GAB4: variants seen among roughly 807,000 people sequenced by gnomAD.
The protein encoded by GAB4 is GRB2 associated binding protein family member 4, also known as GRB2-associated-binding protein 4.
In GAB4, 26 loss-of-function variants were observed where a neutral mutation model predicts 51.3. The observed-to-expected ratio is 0.51, with a 90% CI of 0.37 to 0.70. The LOEUF (loss-of-function observed/expected upper bound fraction) is 0.70, where lower values mean the gene tolerates loss of function less well. GAB4 is among the 30% of genes least tolerant of loss of function. The pLI, the probability that GAB4 is intolerant of heterozygous loss-of-function variation, is 0.00. For missense variants in GAB4, 759 were observed against 734.6 expected (o/e 1.03, Z -0.38); for synonymous variants, 329 against 291.2 (o/e 1.13, Z -1.32).
chr22:16,963,413 G>T (rs2060645011), intron 9 of GAB4, among the ~76,000 whole-genome samples: 1 of 152,190 alleles, frequency 6.6e-6, no homozygotes, highest in Admixed American at 6.5e-5. Context: ...CCTCACAGAA[G>T]AGTTTGGCCT....
chr22:16,988,091 G>A lies in GAB4; in HGVS notation c.555C>T (p.His185=). The change falls in exon 3 of 10, where the codon CAC becomes CAT. Residue 185 remains histidine, a synonymous_variant. Transcript: ENST00000400588. ...ATGTGGGTTCTTGTTCTTGGGGGAG[G>A]TGCTGATGGGAGCAGCTGGGCTCAG... The part of the protein sequence containing the change: ...SPAEPSCSHQ[H]LPQEQEPTSE... The A allele has an allele frequency of 6.2e-7, 1 of 1,610,262 alleles. No homozygotes were observed. Among genetic ancestry groups the A allele is most frequent in the African/African-American group, 1.3e-5 (1 of 74,984 alleles).
chr22:16,962,949 T>C, intron 9 of GAB4, 73 bp from the exon 10 acceptor site: 2 of 1,452,312 alleles, frequency 1.4e-6, no homozygotes, highest in East Asian at 2.3e-5. Context: ...GGCCAAGGAG[T>C]GGGCTCTCTC....
Position 16,962,806 on chromosome 22 carries a change from G to A in GAB4, c.1652C>T (p.Ala551Val). ...YVQVDLEKTQALQKTMHEQMC... is the reference protein window; with the variant it reads ...YVQVDLEKTQVLQKTMHEQMC... Reference sequence around the variant, plus strand: ...CTGTTCATGCATGGTCTTCTGCAGGGCCTGGGTCTTCTCCAGATCCACCTG... The same window carrying A: ...CTGTTCATGCATGGTCTTCTGCAGGACCTGGGTCTTCTCCAGATCCACCTG... Residue 551 changes from alanine (A) to valine (V), a missense_variant, in exon 10 of 10, where the codon GCC becomes GTC. By Grantham distance (64) the Ala-to-Val change is moderately conservative. Transcript: ENST00000400588. 6.2e-7 allele frequency: 1 copy of A among 1,613,638 alleles called. No individual in the cohort carries two copies. Among genetic ancestry groups the A allele is most frequent in the Non-Finnish European group, 8.5e-7 (1 of 1,179,814 alleles).
chr22:16,999,302 T>C (rs1181895883), intron 1 of GAB4, among the ~76,000 whole-genome samples: 2 of 152,232 alleles, frequency 1.3e-5, no homozygotes, highest in African/African-American at 4.8e-5. Context: ...CTATTAACTA[T>C]AGCCTCAATT....
At chr22:17,002,332 C>T (rs984346427) in intron 1 of GAB4, among the ~76,000 whole-genome samples, 4 of 152,080 alleles carry the variant, frequency 2.6e-5, no homozygotes, top group African/African-American at 9.7e-5. Flanking sequence ...ATTTCATATC[C>T]AGCCAAACAA....
chr22:16,999,675 T>C (rs2060980026), intron 1 of GAB4, among the ~76,000 whole-genome samples: 1 of 152,222 alleles, frequency 6.6e-6, no homozygotes, highest in Non-Finnish European at 1.5e-5. Flanking sequence ...TTTCTTGCCT[T>C]CTGCTAGCTT....
chr22:16,983,097 G>C (rs927615982), intron 3 of GAB4, among the ~76,000 whole-genome samples: 2 of 152,162 alleles, frequency 1.3e-5, no homozygotes, highest in Non-Finnish European at 2.9e-5. Flanking sequence ...ATCTCAAGTA[G>C]CAGAACATGT....
intron 1 of GAB4, among the ~76,000 whole-genome samples, chr22:17,005,547 A>G (rs1417907920): frequency 6.6e-6 from 1 of 152,252 alleles, no homozygotes; most frequent in Non-Finnish European, 1.5e-5. Flanking sequence ...TAGCCAAGAC[A>G]ATCCTAAGCA....
intron 1 of GAB4, among the ~76,000 whole-genome samples, chr22:16,998,612 C>A (rs1028647793): frequency 1.3e-5 from 2 of 152,192 alleles, no homozygotes; most frequent in African/African-American, 4.8e-5. Context: ...TTGATTTCCT[C>A]TTTTTCTAAT....
intron 6 of GAB4, 119 bp downstream of exon 6, chr22:16,965,981 G>C (rs1226234289): frequency 3.3e-6 from 3 of 899,140 alleles, no homozygotes; most frequent in Non-Finnish European, 3.6e-6. Context: ...GAAAACTGAG[G>C]CTCAGAGAAT....
At chr22:16,978,574 T>C (rs1299428950) in intron 3 of GAB4, among the ~76,000 whole-genome samples, 4 of 152,152 alleles carry the variant, frequency 2.6e-5, no homozygotes, top group Non-Finnish European at 5.9e-5. Context: ...CAGGACCAGA[T>C]GGATTCACAG....
intron 3 of GAB4, among the ~76,000 whole-genome samples, chr22:16,978,640 C>T (rs1172183873): frequency 1.3e-5 from 2 of 152,096 alleles, no homozygotes; most frequent in African/African-American, 4.8e-5. Context: ...TGAAACTATT[C>T]CAAAAAATAG....
chr22:16,963,865 T>A, intron 8 of GAB4, 36 bp from the exon 9 acceptor site: 1 of 1,531,892 alleles, frequency 6.5e-7, no homozygotes, highest in Non-Finnish European at 9.0e-7. Flanking sequence ...GCAAATGAGT[T>A]CAGGACACAG....
At chr22:16,994,518 C>G (rs552373569) in intron 1 of GAB4, among the ~76,000 whole-genome samples, 1 of 152,192 alleles carries the variant, frequency 6.6e-6, no homozygotes. Context: ...ACTGTTACTA[C>G]TCTAGCTGGT....
At chr22:16,971,502 C>G (rs2060731794) in intron 3 of GAB4, among the ~76,000 whole-genome samples, 1 of 152,194 alleles carries the variant, frequency 6.6e-6, no homozygotes, top group African/African-American at 2.4e-5. Flanking sequence ...TCTAGGTCTT[C>G]TTCCCTATCT....
At chr22:16,993,763 A>T (rs1365451174) in intron 1 of GAB4, among the ~76,000 whole-genome samples, 1 of 152,168 alleles carries the variant, frequency 6.6e-6, no homozygotes, top group Non-Finnish European at 1.5e-5. Flanking sequence ...GTTTTGCAAC[A>T]ATTTCTCAAC....
intron 2 of GAB4, among the ~76,000 whole-genome samples, chr22:16,991,133 A>G (rs530761730): frequency 4.6e-5 from 7 of 152,228 alleles, no homozygotes; most frequent in Non-Finnish European, 1.0e-4. Context: ...TCCTCCCAAA[A>G]AAAGTGGGAA....
chr22:16,965,645 G>A (rs985824083), intron 6 of GAB4, among the ~76,000 whole-genome samples: 1 of 152,344 alleles, frequency 6.6e-6, no homozygotes, highest in African/African-American at 2.4e-5. Flanking sequence ...ACAGGGCTGT[G>A]TAGCCCACCA....
At chr22:16,998,837 T>C (rs557011376) in intron 1 of GAB4, among the ~76,000 whole-genome samples, 25 of 152,004 alleles carry the variant, frequency 1.6e-4, no homozygotes, top group Middle Eastern at 3.4e-3. Flanking sequence ...TCATTGAGAG[T>C]TTTTAGCATG....
Sources: allele counts gnomAD v4.1 joint callset (sites outside exome capture counted in the v4.1 genomes callset), GRCh38; gene constraint gnomAD v4.1.1; transcripts MANE v1.5; gene names NCBI Gene and HGNC (gene_info 2026-07-23, HGNC 2026-07-21).